PPP4R4: variants seen among roughly 807,000 people sequenced by gnomAD.
PPP4R4 encodes the protein serine/threonine-protein phosphatase 4 regulatory subunit 4.
PPP4R4 carries 70 observed loss-of-function variants against 121.8 expected under a neutral mutation model. That is an observed-to-expected ratio of 0.57 (90% CI 0.47 to 0.70). The LOEUF (loss-of-function observed/expected upper bound fraction) is 0.70. Among genes scored for constraint, PPP4R4 ranks in the 30% least tolerant of loss-of-function variants. PPP4R4 has a pLI of 0.00. For missense variants in PPP4R4, 875 were observed against 1,033.6 expected (o/e 0.85, Z 2.10); for synonymous variants, 348 against 355.7 (o/e 0.98, Z 0.24).
At chr14:94,208,913 A>G (rs1890600502) in intron 3 of PPP4R4, among the ~76,000 whole-genome samples, 1 of 151,910 alleles carries the variant, frequency 6.6e-6, no homozygotes, top group South Asian at 2.1e-4. Flanking sequence ...TATTTGTATA[A>G]CATTGATAAT....
intron 24 of PPP4R4, 145 bp downstream of exon 24, chr14:94,275,666 G>A (rs1411619205): frequency 7.7e-6 from 7 of 914,472 alleles, no homozygotes; most frequent in Middle Eastern, 3.1e-4. Context: ...ATTGTCACAT[G>A]TGACTCTGTT....
chr14:94,212,118 A>G lies in PPP4R4; in HGVS notation c.294+3552A>G, dbSNP rs1397756508. ...AGAGCTCACTTTTTACCTTGTCTTT[A>G]CCTTTAAGAATATCAGATGAAGTAA... On this transcript the variant is annotated intron_variant, in intron 3 of 24. Transcript: ENST00000304338. Among the ~76,000 whole-genome samples, 3 of 152,092 alleles carry G rather than the reference A, an allele frequency of 2.0e-5. No homozygotes were observed. The South Asian group carries it at 6.2e-4, about 32-fold the overall frequency.
chr14:94,176,777 T>C (rs1888701781), intron 2 of PPP4R4, among the ~76,000 whole-genome samples: 2 of 152,222 alleles, frequency 1.3e-5, no homozygotes, highest in South Asian at 4.1e-4. Context: ...ACAGTGAACA[T>C]GAATGATGTT....
chr14:94,239,161 C>A (rs771578499), intron 8 of PPP4R4, among the ~76,000 whole-genome samples: 1 of 151,248 alleles, frequency 6.6e-6, no homozygotes, highest in Non-Finnish European at 1.5e-5. Context: ...TTGTTTCCTT[C>A]CCTCTATTTT....
At chr14:94,247,606 C>A (rs963168639) in intron 14 of PPP4R4, among the ~76,000 whole-genome samples, 1 of 152,142 alleles carries the variant, frequency 6.6e-6, no homozygotes, top group Non-Finnish European at 1.5e-5. Context: ...GGAAAAGACA[C>A]AAGAAAAGAA....
chr14:94,201,889 C>G (rs1026505472), intron 2 of PPP4R4, among the ~76,000 whole-genome samples: 16 of 150,798 alleles, frequency 1.1e-4, no homozygotes, highest in African/African-American at 3.9e-4. Context: ...TGGAACCAGC[C>G]CAAATGCCCA....
intron 3 of PPP4R4, among the ~76,000 whole-genome samples, chr14:94,230,156 G>A (rs1253905209): frequency 6.6e-6 from 1 of 152,166 alleles, no homozygotes; most frequent in Non-Finnish European, 1.5e-5. Flanking sequence ...ATAGTAGAAT[G>A]TATGATGTTT....
At chr14:94,185,304 G>A (rs2139388259) in intron 2 of PPP4R4, among the ~76,000 whole-genome samples, 1 of 152,284 alleles carries the variant, frequency 6.6e-6, no homozygotes, top group South Asian at 2.1e-4. Flanking sequence ...CCAGGAATTC[G>A]AGACTAGCCT....
Position 94,235,626 on chromosome 14 carries a change from C to T in PPP4R4, c.731+957C>T, listed in dbSNP as rs184761509. On this transcript the variant is annotated intron_variant, in intron 7 of 24. Coordinates refer to ENST00000304338, the MANE Select transcript of PPP4R4 (RefSeq NM_058237.2). ...GTGTTAGCCAGGATGGTCTCGATCTCCTGACCTCGTGATCCGCCTGCCTCG... is the reference window on the plus strand; with the variant it reads ...GTGTTAGCCAGGATGGTCTCGATCTTCTGACCTCGTGATCCGCCTGCCTCG... Among the ~76,000 whole-genome samples, 388 of 151,918 alleles carry T rather than the reference C, an allele frequency of 2.6e-3. 1 individual carries two copies. Among genetic ancestry groups the T allele is most frequent in the Non-Finnish European group, 4.1e-3 (282 of 67,952 alleles).
At position 94,241,828 on chromosome 14, in the gene PPP4R4, T is replaced by G; in HGVS notation, c.1017T>G (p.Phe339Leu). ...ATCAGCACTTGAGATTTTTGGAATTTTATAAGAAACTTTGTACATTGGGTT... is the reference window on the plus strand; with the variant it reads ...ATCAGCACTTGAGATTTTTGGAATTGTATAAGAAACTTTGTACATTGGGTT... ...TPDQHLRFLE[F>L]YKKLCTLGLQ... Residue 339 changes from phenylalanine (F) to leucine (L), a missense_variant, in exon 10 of 25, where the codon TTT (phenylalanine) becomes TTG (leucine). By Grantham distance (22) the Phe-to-Leu change is conservative. Coordinates refer to ENST00000304338, the MANE Select transcript of PPP4R4 (RefSeq NM_058237.2). The G allele has an allele frequency of 6.3e-7, 1 of 1,598,346 alleles. No individual in the cohort carries two copies. Among genetic ancestry groups the G allele is most frequent in the South Asian group, 1.2e-5 (1 of 86,738 alleles).
At chr14:94,214,504 A>C (rs367902575) in intron 3 of PPP4R4, among the ~76,000 whole-genome samples, 16 of 146,042 alleles carry the variant, frequency 1.1e-4, no homozygotes, top group African/African-American at 3.2e-4. Context: ...TTGCCTCTAA[A>C]AAACAAAAAA....
intron 23 of PPP4R4, among the ~76,000 whole-genome samples, chr14:94,271,360 T>C (rs1380766464): frequency 6.6e-6 from 1 of 152,168 alleles, no homozygotes; most frequent in African/African-American, 2.4e-5. Flanking sequence ...TAATTCACCA[T>C]TTGAAGAACC....
intron 11 of PPP4R4, among the ~76,000 whole-genome samples, 197 bp from the exon 12 acceptor site, chr14:94,244,438 C>G (rs1892784342): frequency 6.6e-6 from 1 of 152,152 alleles, no homozygotes; most frequent in Non-Finnish European, 1.5e-5. Context: ...TCTGCACATT[C>G]CAGCATGTCA....
chr14:94,216,733 A>T (rs1328664776), intron 3 of PPP4R4, among the ~76,000 whole-genome samples: 1 of 152,176 alleles, frequency 6.6e-6, no homozygotes, highest in Non-Finnish European at 1.5e-5. Flanking sequence ...TCCTGCTTTT[A>T]CAGCCCAGGT....
At chr14:94,259,398 T>C (rs768516814) in intron 19 of PPP4R4, 29 bp downstream of exon 19, 29 of 1,528,712 alleles carry the variant, frequency 1.9e-5, no homozygotes, top group Middle Eastern at 1.7e-4. Flanking sequence ...CACACACATA[T>C]ACTCTTTTCT....
At chr14:94,230,520 G>T (rs891800060) in intron 3 of PPP4R4, 67 bp from the exon 4 acceptor site, 1 of 1,441,140 alleles carries the variant, frequency 6.9e-7, no homozygotes, top group Non-Finnish European at 9.4e-7. Flanking sequence ...TACAACCTTG[G>T]ATTTTTAAAA....
At position 94,208,526 on chromosome 14, in the gene PPP4R4, A is replaced by G; in HGVS notation, c.254A>G (p.Asn85Ser). Reference protein sequence around the residue: ...IANLPFLMRQNPTETLRRVLP... With the variant: ...IANLPFLMRQSPTETLRRVLP... ...AATCTCCCATTTTTGATGCGACAGA[A>G]TCCCACTGAGACGCTTCGGAGAGTG... is the stretch of plus-strand genomic sequence containing the variant. Residue 85 changes from asparagine (N) to serine (S), a missense_variant, in exon 3 of 25, where the codon AAT becomes AGT. By Grantham distance (46) the Asn-to-Ser change is conservative. Coordinates refer to ENST00000304338, the MANE Select transcript of PPP4R4 (RefSeq NM_058237.2). 1.9e-6 allele frequency: 3 copies of G among 1,612,082 alleles called. No homozygotes were observed. Among genetic ancestry groups the G allele is most frequent in the East Asian group, 2.2e-5 (1 of 44,840 alleles).
intron 3 of PPP4R4, among the ~76,000 whole-genome samples, chr14:94,229,535 G>T (rs1298203558): frequency 6.6e-6 from 1 of 152,056 alleles, no homozygotes; most frequent in Non-Finnish European, 1.5e-5. Flanking sequence ...AGAAGACAGT[G>T]GATATACAAT....
At chr14:94,195,918 GT>G (rs1404075648) in intron 2 of PPP4R4, among the ~76,000 whole-genome samples, 1 of 151,866 alleles carries the variant, frequency 6.6e-6, no homozygotes, top group South Asian at 2.1e-4. Flanking sequence ...TTCTTTTTAT[GT>G]TTTTTCATGT....
Sources: allele counts gnomAD v4.1 joint callset (sites outside exome capture counted in the v4.1 genomes callset), GRCh38; gene constraint gnomAD v4.1.1; transcripts MANE v1.5; gene names NCBI Gene and HGNC (gene_info 2026-07-23, HGNC 2026-07-21).